NKAIN2: variants seen among roughly 807,000 people sequenced by gnomAD.
The protein encoded by NKAIN2 is sodium/potassium transporting ATPase interacting 2.
In NKAIN2, 14 loss-of-function variants were observed where a neutral mutation model predicts 32.6. The observed-to-expected ratio is 0.43, with a 90% CI of 0.28 to 0.67. The LOEUF is 0.67. NKAIN2 is among the 30% of genes least tolerant of loss of function. The probability of loss-of-function intolerance (pLI) is 0.17; values close to 1 mark genes in which losing one functional copy is unlikely to be tolerated. For synonymous variants in NKAIN2, 80 were observed against 87.2 expected, an observed-to-expected ratio of 0.92 and a Z score of 0.46; for missense variants, 198 against 258.3, an observed-to-expected ratio of 0.77 and a Z score of 1.60.
At chr6:124,793,695 A>G (rs1779866070) in intron 5 of NKAIN2, among the ~76,000 whole-genome samples, 1 of 151,996 alleles carries the variant, frequency 6.6e-6, no homozygotes, top group African/African-American at 2.4e-5. Context: ...AAAAAAAAAA[A>G]AGATTCCAAA....
chr6:124,234,477 C>G (rs1025496075), intron 1 of NKAIN2, among the ~76,000 whole-genome samples: 2 of 152,070 alleles, frequency 1.3e-5, no homozygotes, highest in Non-Finnish European at 2.9e-5. Flanking sequence ...GTGCTAAATT[C>G]TAGTATGCAT....
intron 1 of NKAIN2, among the ~76,000 whole-genome samples, chr6:124,072,696 G>T (rs1034491042): frequency 3.9e-5 from 6 of 152,064 alleles, no homozygotes; most frequent in Non-Finnish European, 8.8e-5. Flanking sequence ...CTATAAAAAT[G>T]CTGCAAGTTC....
chr6:124,137,058 CAG>C (rs1786837180), intron 1 of NKAIN2, among the ~76,000 whole-genome samples: 1 of 152,004 alleles, frequency 6.6e-6, no homozygotes, highest in African/African-American at 2.4e-5. Context: ...ATTGGAAAAA[CAG>C]AAGTCAAACT....
In NKAIN2 at chr6:124,034,937, T is replaced by C. The variant is rs190578808; in HGVS notation, c.54+230683T>C. Among the ~76,000 whole-genome samples, 5 of 151,984 alleles carry C rather than the reference T, an allele frequency of 3.3e-5. No homozygotes were observed. The East Asian group carries it at 9.7e-4, about 29-fold the overall frequency. ...GTCTTTTGATAGTTTGTTACCCTTT[T>C]TTCTAACCACTTGTTTAGAAGGAGG... On this transcript the variant is annotated intron_variant, in intron 1 of 6. Coordinates refer to ENST00000368417, the MANE Select transcript of NKAIN2 (RefSeq NM_001040214.3).
At position 123,947,241 on chromosome 6, in the gene NKAIN2, C is replaced by T. The variant is rs1275834378; in HGVS notation, c.54+142987C>T. ...GAAGCTTGTTATCACTAATAGATAT[C>T]AAAGTTTACACAATACTTGGACTTT... On this transcript the variant is annotated intron_variant, in intron 1 of 6. Transcript: ENST00000368417. Among the ~76,000 whole-genome samples, 4 of 152,158 alleles carry T rather than the reference C, an allele frequency of 2.6e-5. No individual in the cohort carries two copies. In the East Asian group the frequency reaches 7.7e-4, roughly 29 times the overall value.
chr6:124,284,907 C>CA (rs369970763), intron 2 of NKAIN2, among the ~76,000 whole-genome samples: 150 of 144,918 alleles, frequency 1.0e-3, no homozygotes, highest in Middle Eastern at 3.6e-3. Flanking sequence ...TGCTACAATG[C>CA]AAAAAAAAAA....
chr6:124,691,553 T>C (rs1774257084), intron 4 of NKAIN2, among the ~76,000 whole-genome samples: 1 of 152,160 alleles, frequency 6.6e-6, no homozygotes, highest in Non-Finnish European at 1.5e-5. Flanking sequence ...TCTCCACTTT[T>C]ATTGTCAGGT....
intron 1 of NKAIN2, among the ~76,000 whole-genome samples, chr6:123,805,828 A>T (rs1400813312): frequency 6.6e-6 from 1 of 152,124 alleles, no homozygotes; most frequent in Non-Finnish European, 1.5e-5. Flanking sequence ...TAAAAATGTG[A>T]GAATGAGTGG....
intron 1 of NKAIN2, among the ~76,000 whole-genome samples, chr6:123,927,520 T>A (rs1401454819): frequency 1.3e-5 from 2 of 152,210 alleles, no homozygotes; most frequent in Non-Finnish European, 2.9e-5. Context: ...GGTCCCTGGA[T>A]TGCTGGAATA....
At chr6:124,502,553 A>G (rs1207933466) in intron 3 of NKAIN2, among the ~76,000 whole-genome samples, 1 of 152,156 alleles carries the variant, frequency 6.6e-6, no homozygotes, top group Non-Finnish European at 1.5e-5. Context: ...GTGTTTTCTG[A>G]GTAATGGTTT....
At chr6:123,920,034 T>A (rs900294603) in intron 1 of NKAIN2, among the ~76,000 whole-genome samples, 3 of 152,116 alleles carry the variant, frequency 2.0e-5, no homozygotes, top group Admixed American at 1.3e-4. Context: ...AGGCCCTTTG[T>A]ATGAAAAGTG....
chr6:124,217,859 C>T lies in NKAIN2; in HGVS notation c.55-65146C>T, dbSNP rs1791570469. Among the ~76,000 whole-genome samples the T allele has an allele frequency of 5.3e-5, 8 of 151,908 alleles. No homozygotes were observed. The South Asian group carries it at 1.5e-3, about 28-fold the overall frequency. On this transcript the variant is annotated intron_variant, in intron 1 of 6. Transcript: ENST00000368417. The stretch of plus-strand genomic sequence containing the variant: ...GATATAGATATATACACACACAAAG[C>T]TCAAATATTAACTAAGATGTTCTTC...
intron 1 of NKAIN2, among the ~76,000 whole-genome samples, chr6:124,111,986 A>G (rs903328603): frequency 1.3e-5 from 2 of 152,214 alleles, no homozygotes; most frequent in African/African-American, 4.8e-5. Context: ...TATTATTTTC[A>G]AAATCTATTC....
intron 1 of NKAIN2, among the ~76,000 whole-genome samples, chr6:123,814,819 T>C (rs7741110): frequency 0.013 from 2,013 of 152,274 alleles, 48 homozygotes; most frequent in African/African-American, 0.045. Flanking sequence ...TTACATGCAA[T>C]GGATGAAGAG....
chr6:124,630,912 C>A (rs952741120), intron 3 of NKAIN2, among the ~76,000 whole-genome samples: 1 of 152,130 alleles, frequency 6.6e-6, no homozygotes, highest in Non-Finnish European at 1.5e-5. Flanking sequence ...GGAGCTACAA[C>A]AAATTTTAGT....
chr6:124,740,437 C>T (rs1777147034), intron 4 of NKAIN2, among the ~76,000 whole-genome samples: 2 of 115,694 alleles, frequency 1.7e-5, no homozygotes, highest in Non-Finnish European at 3.6e-5. Context: ...TATATATATA[C>T]ACATATACAC....
intron 1 of NKAIN2, among the ~76,000 whole-genome samples, chr6:124,155,656 A>G (rs753222942): frequency 6.6e-6 from 1 of 151,890 alleles, no homozygotes; most frequent in Non-Finnish European, 1.5e-5. Flanking sequence ...ATGATTTAAC[A>G]ATTCCATGAT....
intron 3 of NKAIN2, among the ~76,000 whole-genome samples, chr6:124,463,112 A>C (rs138363755): frequency 2.2e-3 from 333 of 152,182 alleles, no homozygotes; most frequent in African/African-American, 7.7e-3. Flanking sequence ...AAAGGAAGAA[A>C]TTTTTAGATA....
intron 1 of NKAIN2, among the ~76,000 whole-genome samples, chr6:124,138,578 AAACT>A (rs1281642256): frequency 1.4e-5 from 2 of 148,046 alleles, no homozygotes; most frequent in African/African-American, 2.6e-5. Context: ...GCAAAATATG[AAACT>A]AACCTAAAAG....
Sources: allele counts gnomAD v4.1 joint callset (sites outside exome capture counted in the v4.1 genomes callset), GRCh38; gene constraint gnomAD v4.1.1; transcripts MANE v1.5; gene names NCBI Gene and HGNC (gene_info 2026-07-23, HGNC 2026-07-21).